Variants in KCNN2 observed in about 807,000 individuals in gnomAD.
KCNN2 encodes small conductance calcium-activated potassium channel protein 2.
A neutral mutation model predicts 55.5 loss-of-function variants in KCNN2; 24 were observed. The ratio of observed to expected loss-of-function variants is 0.43; its 90% CI spans 0.31 to 0.61. The LOEUF (loss-of-function observed/expected upper bound fraction) is 0.61. KCNN2 is among the 20% of genes least tolerant of loss of function. KCNN2 has a pLI of 0.08. For synonymous variants in KCNN2, 431 were observed against 336.1 expected, an observed-to-expected ratio of 1.28 and a Z score of -3.09; for missense variants, 754 against 853.6, an observed-to-expected ratio of 0.88 and a Z score of 1.45.
intron 1 of KCNN2, among the ~76,000 whole-genome samples, chr5:114,167,831 C>T (rs971295079): frequency 6.6e-6 from 1 of 152,060 alleles, no homozygotes; most frequent in African/African-American, 2.4e-5. Flanking sequence ...GCAGCCCATC[C>T]CATACTTTTC....
intron 3 of KCNN2, among the ~76,000 whole-genome samples, chr5:114,448,877 G>A (rs1760527283): frequency 1.3e-5 from 2 of 152,182 alleles, no homozygotes; most frequent in African/African-American, 4.8e-5. Context: ...CCTTAAGCTG[G>A]TTGATTTGGA....
chr5:114,434,744 T>TC (rs2150089691), intron 3 of KCNN2, among the ~76,000 whole-genome samples: 1 of 152,268 alleles, frequency 6.6e-6, no homozygotes, highest in East Asian at 1.9e-4. Flanking sequence ...CAGGTTTTTT[T>TC]CCTCTCCCAT....
intron 2 of KCNN2, among the ~76,000 whole-genome samples, chr5:114,227,202 T>C (rs1754254568): frequency 6.6e-6 from 1 of 152,200 alleles, no homozygotes; most frequent in South Asian, 2.1e-4. Flanking sequence ...GCTCTATGCC[T>C]GATATTTATA....
intron 2 of KCNN2, among the ~76,000 whole-genome samples, chr5:114,268,697 C>A (rs1310344320): frequency 1.3e-5 from 2 of 152,176 alleles, no homozygotes; most frequent in Non-Finnish European, 2.9e-5. Flanking sequence ...CGGGTCATTT[C>A]TCTGCCCAGA....
intron 1 of KCNN2, among the ~76,000 whole-genome samples, chr5:114,119,842 T>C (rs1290063726): frequency 6.6e-6 from 1 of 152,148 alleles, no homozygotes; most frequent in African/African-American, 2.4e-5. Context: ...TGCGTGGCTA[T>C]GCTGATCGAG....
chr5:114,061,055 G>A (rs1258616137), intron 1 of KCNN2, among the ~76,000 whole-genome samples: 8 of 152,172 alleles, frequency 5.3e-5, no homozygotes, highest in Non-Finnish European at 1.2e-4. Flanking sequence ...TTCATGGGCA[G>A]CTGGGAGTCT....
At chr5:114,136,080 A>G (rs1377898139) in intron 1 of KCNN2, among the ~76,000 whole-genome samples, 2 of 152,202 alleles carry the variant, frequency 1.3e-5, no homozygotes, top group Non-Finnish European at 2.9e-5. Context: ...TTGAGTTCCC[A>G]CAAAAATAGA....
At chr5:114,138,278 A>G (rs1684080444) in intron 1 of KCNN2, among the ~76,000 whole-genome samples, 1 of 152,156 alleles carries the variant, frequency 6.6e-6, no homozygotes, top group Admixed American at 6.6e-5. Flanking sequence ...GGCAGTTCAT[A>G]TTTTATGACA....
chr5:114,310,229 G>C (rs1265985684), intron 2 of KCNN2, among the ~76,000 whole-genome samples: 3 of 152,134 alleles, frequency 2.0e-5, no homozygotes, highest in Non-Finnish European at 2.9e-5. Context: ...AGAAAGAAGA[G>C]AGAGAGGGAG....
rs561128904 is a variant in KCNN2, at chr5:114,493,328, G to A, written c.2019-75G>A. The A allele has an allele frequency of 1.6e-4, 142 of 910,356 alleles. 2 individuals carry two copies. In the South Asian group the frequency reaches 1.8e-3, roughly 12 times the overall value. The allele number at this position is 910,356 out of a possible 1,614,324, so 56.4% of individuals were successfully genotyped here. On this transcript the variant is annotated intron_variant, in intron 6 of 7. Transcript: ENST00000673685. ...GCAGTTATTTGCTCTTGTCAATTTT[G>A]TGCATGCTCTTTGGAAGGCATAAGA...
At chr5:114,339,259 C>A (rs1185265908) in intron 2 of KCNN2, among the ~76,000 whole-genome samples, 1 of 152,204 alleles carries the variant, frequency 6.6e-6, no homozygotes, top group East Asian at 1.9e-4. Context: ...CTTGTCCACA[C>A]AGAAAACCCC....
At position 114,232,922 on chromosome 5, in the gene KCNN2, C is replaced by CTCGTTTTTTTTTTTTT. The variant is rs200715120; in HGVS notation, c.-185+11358_-185+11359insCGTTTTTTTTTTTTTT. ...TCAGAGGTAATTTTTTATATTGTTTCTTGTTTTTTTTTTTTTGAGACGGAG... is the reference window on the plus strand; with the variant it reads ...TCAGAGGTAATTTTTTATATTGTTTCTCGTTTTTTTTTTTTTTTGTTTTTTTTTTTTTGAGACGGAG... On this transcript the variant is annotated intron_variant, in intron 2 of 10. Transcript: ENST00000512097. Among the ~76,000 whole-genome samples the CTCGTTTTTTTTTTTTT allele has an allele frequency of 3.8e-3, 167 of 43,920 alleles. 12 individuals carry two copies. The highest frequency in any genetic ancestry group is 0.017 in the Middle Eastern group (1 of 60). The allele number at this position is 43,920 out of a possible 152,430, so 28.8% of individuals were successfully genotyped here. A position where few individuals can be genotyped will look rare whatever the true frequency, so the allele number is the denominator to read the frequency against.
chr5:114,289,985 A>G (rs1247887463), intron 2 of KCNN2, among the ~76,000 whole-genome samples: 1 of 152,142 alleles, frequency 6.6e-6, no homozygotes, highest in Non-Finnish European at 1.5e-5. Context: ...GGCATAAAAA[A>G]CACAACTGTA....
chr5:114,490,497 T>C (rs890255139), intron 6 of KCNN2, among the ~76,000 whole-genome samples: 1 of 152,124 alleles, frequency 6.6e-6, no homozygotes, highest in African/African-American at 2.4e-5. Context: ...ATAGTAGCAA[T>C]GAAGAAGGAT....
At chr5:114,275,527 A>T (rs913008375) in intron 2 of KCNN2, among the ~76,000 whole-genome samples, 11 of 152,206 alleles carry the variant, frequency 7.2e-5, no homozygotes, top group African/African-American at 2.6e-4. Flanking sequence ...TTATTTGTCT[A>T]TTCAGAGATT....
chr5:114,462,916 C>G (rs931243409), intron 3 of KCNN2, 133 bp from the exon 4 acceptor site: 10 of 832,676 alleles, frequency 1.2e-5, no homozygotes, highest in Admixed American at 2.5e-5. Flanking sequence ...TGTTTATATT[C>G]ACAAGCTTTG....
chr5:114,200,871 G>A (rs1753661810), intron 1 of KCNN2, among the ~76,000 whole-genome samples: 1 of 152,078 alleles, frequency 6.6e-6, no homozygotes, highest in East Asian at 1.9e-4. Flanking sequence ...GGACTTCGAT[G>A]TCAAGTGAGC....
intron 1 of KCNN2, among the ~76,000 whole-genome samples, chr5:114,090,532 T>G (rs1456158897): frequency 6.6e-6 from 1 of 150,688 alleles, no homozygotes; most frequent in African/African-American, 2.4e-5. Context: ...TCACTCTTCC[T>G]CTCTTTCTCT....
intron 1 of KCNN2, among the ~76,000 whole-genome samples, chr5:114,207,152 G>A (rs1416921852): frequency 6.6e-6 from 1 of 152,110 alleles, no homozygotes; most frequent in Non-Finnish European, 1.5e-5. Flanking sequence ...CTAATGACTA[G>A]TTCTTGTTTT....
Sources: allele counts gnomAD v4.1 joint callset (sites outside exome capture counted in the v4.1 genomes callset), GRCh38; gene constraint gnomAD v4.1.1; transcripts MANE v1.5; gene names NCBI Gene and HGNC (gene_info 2026-07-23, HGNC 2026-07-21).